PARD3: variants seen among roughly 807,000 people sequenced by gnomAD.
The protein encoded by PARD3 is par-3 family cell polarity regulator.
In PARD3, 75 loss-of-function variants were observed where a neutral mutation model predicts 155.4. The ratio of observed to expected loss-of-function variants is 0.48; its 90% CI spans 0.40 to 0.58. PARD3 has a LOEUF of 0.58. PARD3 is among the 20% of genes least tolerant of loss of function. The probability of loss-of-function intolerance (pLI) is 0.00; values close to 1 mark genes in which losing one functional copy is unlikely to be tolerated. For synonymous variants in PARD3, 576 were observed against 610.5 expected (o/e 0.94, Z 0.83); for missense variants, 1,642 against 1,721.7 (o/e 0.95, Z 0.82).
intron 2 of PARD3, among the ~76,000 whole-genome samples, chr10:34,681,157 T>C (rs2093810419): frequency 6.6e-6 from 1 of 152,162 alleles, no homozygotes; most frequent in Non-Finnish European, 1.5e-5. Context: ...GAGTAAGCTT[T>C]TGAGAACACA....
intron 2 of PARD3, among the ~76,000 whole-genome samples, chr10:34,680,743 C>A (rs1204648674): frequency 1.4e-5 from 2 of 146,386 alleles, no homozygotes; most frequent in Admixed American, 1.4e-4. Context: ...AGCAAAAAAC[C>A]AAACACCACA....
At chr10:34,653,053 G>A (rs2093061911) in intron 2 of PARD3, among the ~76,000 whole-genome samples, 1 of 152,144 alleles carries the variant, frequency 6.6e-6, no homozygotes, top group African/African-American at 2.4e-5. Flanking sequence ...AAACACACAT[G>A]CTTAAGAGAA....
intron 20 of PARD3, among the ~76,000 whole-genome samples, chr10:34,298,458 C>G (rs74324051): frequency 6.6e-6 from 1 of 152,266 alleles, no homozygotes; most frequent in East Asian, 1.9e-4. Flanking sequence ...CACGGATGAG[C>G]CTTGAGGACA....
intron 10 of PARD3, among the ~76,000 whole-genome samples, chr10:34,375,361 T>C (rs1841122012): frequency 6.6e-6 from 1 of 152,172 alleles, no homozygotes; most frequent in African/African-American, 2.4e-5. Flanking sequence ...TTGATAGCCT[T>C]GTGCATCATA....
intron 2 of PARD3, among the ~76,000 whole-genome samples, chr10:34,677,593 GA>G (rs1328022378): frequency 6.6e-6 from 1 of 151,954 alleles, no homozygotes; most frequent in East Asian, 1.9e-4. Context: ...ACCATTAAGA[GA>G]TATTCCCAAA....
intron 20 of PARD3, among the ~76,000 whole-genome samples, chr10:34,296,943 C>T (rs1246933589): frequency 2.0e-5 from 3 of 152,098 alleles, no homozygotes; most frequent in Non-Finnish European, 4.4e-5. Context: ...TAAAAACCAA[C>T]CAACCAACTG....
chr10:34,707,206 C>T (rs1370370264), intron 1 of PARD3, among the ~76,000 whole-genome samples: 1 of 150,804 alleles, frequency 6.6e-6, no homozygotes, highest in Non-Finnish European at 1.5e-5. Context: ...TGGCGTGCCA[C>T]TGCACTCCAG....
At chr10:34,682,554 C>T (rs2093863258) in intron 2 of PARD3, among the ~76,000 whole-genome samples, 2 of 152,044 alleles carry the variant, frequency 1.3e-5, no homozygotes, top group South Asian at 2.1e-4. Context: ...TTTGTTTGCT[C>T]GCTTGTTTTT....
chr10:34,322,195 G>A lies in PARD3; in HGVS notation c.2834-4857C>T, dbSNP rs535986441. On this transcript the variant is annotated intron_variant, in intron 19 of 24. Transcript: ENST00000374788. ...CGTTGGACTCAATGGACATATCCATGCTTAGGGAGAGGGCTCATTCCCTTC... is the reference window on the plus strand; with the variant it reads ...CGTTGGACTCAATGGACATATCCATACTTAGGGAGAGGGCTCATTCCCTTC... 7.9e-5 allele frequency among the ~76,000 whole-genome samples: 12 copies of A among 152,284 alleles called. No individual in the cohort carries two copies. The East Asian group carries it at 2.3e-3, about 29-fold the overall frequency.
chr10:34,570,664 A>G (rs1409430695), intron 2 of PARD3, among the ~76,000 whole-genome samples: 2 of 152,202 alleles, frequency 1.3e-5, no homozygotes, highest in Non-Finnish European at 2.9e-5. Context: ...GGTGAAATCC[A>G]TGAATACTAC....
chr10:34,265,261 G>C (rs1258941553), intron 22 of PARD3, among the ~76,000 whole-genome samples: 1 of 152,188 alleles, frequency 6.6e-6, no homozygotes, highest in Non-Finnish European at 1.5e-5. Context: ...GACATGGCAT[G>C]ATGCTATCTT....
At chr10:34,343,980 T>G (rs1299846899) in intron 15 of PARD3, 1 of 982,808 alleles carries the variant, frequency 1.0e-6, no homozygotes, top group African/African-American at 1.7e-5. Flanking sequence ...ATAAAAACAT[T>G]AATGTTTCAT....
intron 20 of PARD3, among the ~76,000 whole-genome samples, chr10:34,293,344 A>AT: frequency 6.6e-6 from 1 of 152,186 alleles, no homozygotes; most frequent in East Asian, 1.9e-4. Context: ...GATGCACTTT[A>AT]TTTTTTTCAA....
intron 22 of PARD3, among the ~76,000 whole-genome samples, chr10:34,182,530 A>C (rs752639): frequency 0.34 from 51,923 of 151,954 alleles, 10,544 homozygotes; most frequent in African/African-American, 0.57. Context: ...TGTGCAAATT[A>C]CTTGAATTTT....
chr10:34,472,794 G>C (rs2078440210), intron 3 of PARD3, among the ~76,000 whole-genome samples: 1 of 152,120 alleles, frequency 6.6e-6, no homozygotes, highest in Non-Finnish European at 1.5e-5. Flanking sequence ...TAAATTCAAG[G>C]ACTGAATTAG....
intron 2 of PARD3, among the ~76,000 whole-genome samples, chr10:34,666,816 T>TATATATATATATATATAC (rs765552982): frequency 1.6e-4 from 14 of 88,802 alleles, no homozygotes; most frequent in African/African-American, 3.3e-4. Context: ...TATATATATA[T>TATATATATATATATATAC]ACACACACAC....
At chr10:34,434,262 G>A (rs920094410) in intron 5 of PARD3, among the ~76,000 whole-genome samples, 46 of 152,184 alleles carry the variant, frequency 3.0e-4, no homozygotes, top group Non-Finnish European at 1.2e-4. Context: ...CGATCCACAT[G>A]GTGAAGGAAC....
chr10:34,508,559 G>C (rs1048441258), intron 3 of PARD3, among the ~76,000 whole-genome samples: 3 of 152,074 alleles, frequency 2.0e-5, no homozygotes, highest in African/African-American at 7.2e-5. Context: ...AAAAATCATA[G>C]AGTGAAAAAG....
Position 34,445,060 on chromosome 10 carries a change from A to AT in PARD3, c.714+5256dup, listed in dbSNP as rs879519675. ...TGTTCCCAAATTGGAAAGGCAGAGG[A>AT]TTTTTTTTTTTAAGCATACAAAATA... On this transcript the variant is annotated intron_variant, in intron 5 of 24. Transcript: ENST00000374788. Among the ~76,000 whole-genome samples, 225 of 148,636 alleles carry AT rather than the reference A, an allele frequency of 1.5e-3. 1 individual carries two copies. The highest frequency in any genetic ancestry group is 7.9e-3 in the South Asian group (37 of 4,664).
Sources: allele counts gnomAD v4.1 joint callset (sites outside exome capture counted in the v4.1 genomes callset), GRCh38; gene constraint gnomAD v4.1.1; transcripts MANE v1.5; gene names NCBI Gene and HGNC (gene_info 2026-07-23, HGNC 2026-07-21).